C5: variants seen among roughly 807,000 people sequenced by gnomAD.
C5 encodes the protein C3 and PZP-like alpha-2-macroglobulin domain-containing protein 4.
A neutral mutation model predicts 218.8 loss-of-function variants in C5; 140 were observed. That is an observed-to-expected ratio of 0.64 (90% CI 0.56 to 0.74). The LOEUF (loss-of-function observed/expected upper bound fraction) is 0.74. C5 is among the 30% of genes least tolerant of loss of function. The probability of loss-of-function intolerance (pLI) is 0.00; values close to 1 mark genes in which losing one functional copy is unlikely to be tolerated. For synonymous variants in C5, 614 were observed against 682.3 expected (o/e 0.90, Z 1.56); for missense variants, 1,700 against 1,969.6 (o/e 0.86, Z 2.59).
At chr9:121,029,928 C>T (rs1219071869) in intron 7 of C5, among the ~76,000 whole-genome samples, 1 of 152,208 alleles carries the variant, frequency 6.6e-6, no homozygotes, top group African/African-American at 2.4e-5. Flanking sequence ...GACCTACCAA[C>T]TGGCTGCAGC....
chr9:121,042,705 A>T (rs2047591487), intron 3 of C5, among the ~76,000 whole-genome samples: 1 of 152,162 alleles, frequency 6.6e-6, no homozygotes, highest in South Asian at 2.1e-4. Context: ...AACATTTTAC[A>T]TTTTTACATA....
chr9:121,021,780 A>C, intron 10 of C5, 86 bp from the exon 11 acceptor site: 1 of 1,164,252 alleles, frequency 8.6e-7, no homozygotes, highest in Non-Finnish European at 1.3e-6. Flanking sequence ...CTTCCTCCCC[A>C]CCAAAGTATA....
chr9:120,967,502 A>G (rs991502753), intron 33 of C5, among the ~76,000 whole-genome samples: 7 of 152,170 alleles, frequency 4.6e-5, no homozygotes, highest in Non-Finnish European at 7.4e-5. Flanking sequence ...GTGCATGATT[A>G]TAAGTAAAAT....
At chr9:121,008,551 T>C in intron 17 of C5, 53 bp from the exon 18 acceptor site, 11 of 1,306,986 alleles carry the variant, frequency 8.4e-6, no homozygotes, top group South Asian at 3.6e-5. Flanking sequence ...ATTCTACTTA[T>C]AGGTGAATTT....
intron 12 of C5, 53 bp from the exon 13 acceptor site, chr9:121,017,905 A>G: frequency 8.6e-7 from 1 of 1,164,220 alleles, no homozygotes; most frequent in Non-Finnish European, 1.3e-6. Context: ...AAACAAAAAC[A>G]AAACCTGTGC....
chr9:121,015,763 C>T (rs530676703), intron 15 of C5, among the ~76,000 whole-genome samples: 16 of 152,160 alleles, frequency 1.1e-4, no homozygotes, highest in Non-Finnish European at 1.8e-4. Flanking sequence ...TGTAAGAATG[C>T]ACAATGACAC....
intron 31 of C5, among the ~76,000 whole-genome samples, chr9:120,971,183 A>G (rs1261280387): frequency 6.6e-6 from 1 of 151,190 alleles, no homozygotes; most frequent in African/African-American, 2.4e-5. Flanking sequence ...AAAAAAAAAA[A>G]AAAAAGAAAA....
intron 2 of C5, among the ~76,000 whole-genome samples, chr9:121,043,738 G>C (rs1185877480): frequency 7.4e-6 from 1 of 135,850 alleles, no homozygotes; most frequent in Non-Finnish European, 1.5e-5. Context: ...TAATAGAGAC[G>C]GGTTTCACCA....
chr9:120,996,235 C>T lies in C5; in HGVS notation c.2851+5G>A. On this transcript the variant is annotated splice_donor_5th_base_variant and intron_variant, in intron 22 of 40. Transcript: ENST00000223642. ...ACATATAAAATAAAAAATCATTTTG[C>T]CTACCATAAATACCCCTAGGATCCA... 6.3e-7 allele frequency: 1 copy of T among 1,592,668 alleles called. No homozygotes were observed. Among genetic ancestry groups the T allele is most frequent in the Non-Finnish European group, 8.6e-7 (1 of 1,160,536 alleles).
Position 120,982,691 on chromosome 9 carries a change from G to C in C5, c.3354C>G (p.Phe1118Leu). 6.2e-7 allele frequency: 1 copy of C among 1,608,278 alleles called. No individual in the cohort carries two copies. Among genetic ancestry groups the C allele is most frequent in the East Asian group, 2.2e-5 (1 of 44,708 alleles). ...VENYQLDNGS[F>L]KENSQYQPIK... is the part of the protein sequence containing the mutation. Reference sequence around the variant, plus strand: ...TTGGTTGATACTGTGAATTTTCCTTGAAAGATCCATTATCTAATTGATAAT... The same window carrying C: ...TTGGTTGATACTGTGAATTTTCCTTCAAAGATCCATTATCTAATTGATAAT... Residue 1118 changes from phenylalanine (F) to leucine (L), a missense_variant, in exon 26 of 41, where the codon TTC (phenylalanine) becomes TTG (leucine). Phe to Leu is a conservative substitution (Grantham distance 22). Transcript: ENST00000223642.
chr9:121,066,783 G>T, the C5 span, among the ~76,000 whole-genome samples: 2 of 150,414 alleles, frequency 1.3e-5, no homozygotes, highest in Non-Finnish European at 3.0e-5. Context: ...CTGGGAGGTG[G>T]AGGTTACAGT....
Position 121,032,313 on chromosome 9 carries a change from T to C in C5, c.585-118A>G, listed in dbSNP as rs189976020. 5.6e-5 allele frequency: 35 copies of C among 628,500 alleles called. No individual in the cohort carries two copies. The Admixed American group carries it at 6.9e-4, about 12-fold the overall frequency. The allele number at this position is 628,500 out of a possible 1,614,324, so 38.9% of individuals were successfully genotyped here. A position where few individuals can be genotyped will look rare whatever the true frequency, so the allele number is the denominator to read the frequency against. ...AGAATACACAAAGATATATAAAACC[T>C]AAGTAATATATTTTATTTGTGACTG... is the stretch of plus-strand genomic sequence containing the variant. On this transcript the variant is annotated intron_variant, in intron 5 of 40. Coordinates refer to ENST00000223642, the MANE Select transcript of C5 (RefSeq NM_001735.3).
intron 26 of C5, 36 bp downstream of exon 26, chr9:120,982,619 A>C: frequency 6.7e-7 from 1 of 1,499,060 alleles, no homozygotes; most frequent in Non-Finnish European, 9.3e-7. Flanking sequence ...CAAACTAAAT[A>C]AAACTATTGC....
At chr9:121,035,283 A>G (rs1265602618) in intron 4 of C5, among the ~76,000 whole-genome samples, 1 of 152,246 alleles carries the variant, frequency 6.6e-6, no homozygotes, top group Admixed American at 6.5e-5. Context: ...TCTAATTTTT[A>G]TATATGTTCA....
At chr9:121,009,320 G>A (rs1379497135) in intron 17 of C5, among the ~76,000 whole-genome samples, 3 of 152,238 alleles carry the variant, frequency 2.0e-5, no homozygotes, top group African/African-American at 4.8e-5. Context: ...ATCTCTAAGA[G>A]AAAGGAAACA....
At chr9:120,953,535 G>T (rs1404790064) in intron 40 of C5, among the ~76,000 whole-genome samples, 195 bp downstream of exon 40, 1 of 152,186 alleles carries the variant, frequency 6.6e-6, no homozygotes. Flanking sequence ...CAGACACTCA[G>T]ATGGTTAATC....
chr9:120,989,686 C>T lies in C5; in HGVS notation c.3036G>A (p.Leu1012=), dbSNP rs750189746. ...CATAGAATACTGGGACAACGCTCAT[C>T]AGCTCCGCCTCTGCACTCCCTTTGG... ...HLPKGSAEAE[L]MSVVPVFYVF... Residue 1012 remains leucine (L), a synonymous_variant, in exon 24 of 41, where the codon CTG becomes CTA. Coordinates refer to ENST00000223642, the MANE Select transcript of C5 (RefSeq NM_001735.3). 1 of 1,613,926 alleles carries T rather than the reference C, an allele frequency of 6.2e-7. No homozygotes were observed. The highest frequency in any genetic ancestry group is 2.2e-5 in the East Asian group (1 of 44,874).
chr9:121,051,662 ATTTATAAACAC>A (rs1162491462), upstream of C5, among the ~76,000 whole-genome samples: 1 of 152,220 alleles, frequency 6.6e-6, no homozygotes, highest in Non-Finnish European at 1.5e-5. Flanking sequence ...AACCAAAAAT[ATTTATAAACAC>A]TTTAATGCTG....
intron 1 of C5, among the ~76,000 whole-genome samples, chr9:121,047,377 T>C (rs1452624178): frequency 2.0e-5 from 3 of 152,250 alleles, no homozygotes; most frequent in Non-Finnish European, 4.4e-5. Flanking sequence ...AGTGAGTCTA[T>C]ACATGCTTTT....
Sources: allele counts gnomAD v4.1 joint callset (sites outside exome capture counted in the v4.1 genomes callset), GRCh38; gene constraint gnomAD v4.1.1; transcripts MANE v1.5; gene names NCBI Gene and HGNC (gene_info 2026-07-23, HGNC 2026-07-21).